The following BOLL variants were observed in gnomAD, a reference collection of about 807,000 sequenced individuals.
BOLL encodes protein boule-like.
In BOLL, 23 loss-of-function variants were observed where a neutral mutation model predicts 44.4. The observed-to-expected ratio is 0.52, with a 90% CI of 0.37 to 0.73. BOLL has a LOEUF of 0.73. BOLL is among the 30% of genes least tolerant of loss of function. The pLI is 0.00. For synonymous variants in BOLL, 97 were observed against 110.8 expected (o/e 0.88, Z 0.78); for missense variants, 287 against 338.3 (o/e 0.85, Z 1.19).
At chr2:197,762,554 A>G (rs1688808901) in intron 7 of BOLL, among the ~76,000 whole-genome samples, 1 of 152,222 alleles carries the variant, frequency 6.6e-6, no homozygotes. Context: ...TATATAAAGT[A>G]TCTTATCTGA....
At chr2:197,738,835 G>A (rs916857633) in intron 10 of BOLL, among the ~76,000 whole-genome samples, 1 of 152,084 alleles carries the variant, frequency 6.6e-6, no homozygotes, top group Non-Finnish European at 1.5e-5. Context: ...AAAGGCTAAT[G>A]TTTCAAATGT....
chr2:197,752,268 C>T (rs1042271998), intron 9 of BOLL, among the ~76,000 whole-genome samples: 2 of 152,156 alleles, frequency 1.3e-5, no homozygotes, highest in Admixed American at 1.3e-4. Flanking sequence ...CTCATCACTC[C>T]TATTCAACAC....
At chr2:197,741,047 ATTGAATCTATAAATTACC>A (rs1370143571) in intron 10 of BOLL, among the ~76,000 whole-genome samples, 1 of 152,124 alleles carries the variant, frequency 6.6e-6, no homozygotes, top group Non-Finnish European at 1.5e-5. Flanking sequence ...TGGGGATGGC[ATTGAATCTATAAATTACC>A]TTGGGCAGTA....
intron 9 of BOLL, among the ~76,000 whole-genome samples, chr2:197,743,933 C>T (rs1280319749): frequency 6.6e-6 from 1 of 151,944 alleles, no homozygotes; most frequent in Non-Finnish European, 1.5e-5. Flanking sequence ...GCCTCAGCCT[C>T]CCAAGTAGCT....
At chr2:197,762,056 A>C (rs912997084) in intron 7 of BOLL, among the ~76,000 whole-genome samples, 3 of 152,200 alleles carry the variant, frequency 2.0e-5, no homozygotes, top group Admixed American at 1.3e-4. Context: ...CTAGAAAGAA[A>C]ATAAACAGGC....
rs557732833 is a variant in BOLL at position 197,771,049 on chromosome 2, G to A, written c.480+806C>T. ...TGCTGCTATAAAGAAACATGTAAAC[G>A]TATGTTTACTGCGGCACTATTCACA... is the stretch of plus-strand genomic sequence containing the variant. On this transcript the variant is annotated intron_variant, in intron 6 of 10. Coordinates refer to ENST00000392296, the MANE Select transcript of BOLL (RefSeq NM_033030.6). Among the ~76,000 whole-genome samples the A allele has an allele frequency of 4.6e-5, 7 of 152,110 alleles. No individual in the cohort carries two copies. The South Asian group carries it at 1.0e-3, about 23-fold the overall frequency.
intron 6 of BOLL, among the ~76,000 whole-genome samples, chr2:197,770,824 C>T (rs1260589443): frequency 6.6e-6 from 1 of 151,936 alleles, no homozygotes; most frequent in Non-Finnish European, 1.5e-5. Context: ...GTTAGAATGG[C>T]GATCATTAAA....
chr2:197,774,381 T>C (rs2106381348), intron 5 of BOLL: 1 of 152,382 alleles, frequency 6.6e-6, no homozygotes, highest in East Asian at 1.9e-4. Flanking sequence ...TTAGGAGTAT[T>C]TCAGCAGAAA....
At chr2:197,745,209 T>C (rs1035042872) in intron 9 of BOLL, among the ~76,000 whole-genome samples, 1 of 151,996 alleles carries the variant, frequency 6.6e-6, no homozygotes, top group Non-Finnish European at 1.5e-5. Context: ...AAAATAATCA[T>C]TGAAATAAGT....
intron 10 of BOLL, among the ~76,000 whole-genome samples, chr2:197,733,634 A>T (rs1433562539): frequency 6.6e-6 from 1 of 152,220 alleles, no homozygotes; most frequent in Non-Finnish European, 1.5e-5. Flanking sequence ...ATGGAACAGA[A>T]CAGAGCCCTC....
At chr2:197,757,786 A>G (rs756243982) in intron 7 of BOLL, among the ~76,000 whole-genome samples, 2 of 152,202 alleles carry the variant, frequency 1.3e-5, no homozygotes, top group Non-Finnish European at 2.9e-5. Context: ...TCAAGAATGT[A>G]TAAAGAACTC....
intron 7 of BOLL, among the ~76,000 whole-genome samples, chr2:197,762,539 G>T (rs186834329): frequency 1.4e-3 from 213 of 151,978 alleles, no homozygotes; most frequent in African/African-American, 4.2e-3. Context: ...AAAAAAAACT[G>T]AAATTATATA....
At chr2:197,750,378 T>G (rs1029555126) in intron 9 of BOLL, among the ~76,000 whole-genome samples, 1 of 152,114 alleles carries the variant, frequency 6.6e-6, no homozygotes. Flanking sequence ...CAAGACCCAT[T>G]GGTGTGCTAT....
chr2:197,765,532 T>C (rs565178905), intron 7 of BOLL, among the ~76,000 whole-genome samples: 2 of 152,042 alleles, frequency 1.3e-5, no homozygotes, highest in East Asian at 3.9e-4. Context: ...ATATGCTAAT[T>C]ACTCTGATTT....
chr2:197,728,612 ACTG>A (rs1401121186), intron 10 of BOLL, 34 bp from the exon 11 acceptor site: 13 of 1,453,522 alleles, frequency 8.9e-6, no homozygotes, highest in Admixed American at 3.5e-5. Context: ...GATCAGGAAG[ACTG>A]AATGGAAAAA....
intron 4 of BOLL, among the ~76,000 whole-genome samples, chr2:197,776,281 T>C (rs541651218): frequency 1.3e-5 from 2 of 152,020 alleles, no homozygotes; most frequent in African/African-American, 4.8e-5. Context: ...AAGACTGTCA[T>C]AGGCATTATG....
intron 9 of BOLL, among the ~76,000 whole-genome samples, chr2:197,751,316 T>G (rs1013425217): frequency 5.3e-5 from 8 of 150,412 alleles, no homozygotes; most frequent in African/African-American, 2.4e-5. Flanking sequence ...CTGAGGGAGA[T>G]AGAGACACGA....
At chr2:197,752,837 T>C (rs1032972760) in intron 9 of BOLL, among the ~76,000 whole-genome samples, 1 of 152,014 alleles carries the variant, frequency 6.6e-6, no homozygotes, top group Admixed American at 6.6e-5. Context: ...AAAGAGGCCA[T>C]ATAACCAAGA....
At chr2:197,784,424 ATATATATATATATATATATATATATT>A (rs1689957292) in intron 1 of BOLL, among the ~76,000 whole-genome samples, 1 of 91,058 alleles carries the variant, frequency 1.1e-5, no homozygotes, top group Non-Finnish European at 2.3e-5. Context: ...ATATATATAT[ATATATATATATATATATATATATATT>A]TGAGACAGTC....
Sources: allele counts gnomAD v4.1 joint callset (sites outside exome capture counted in the v4.1 genomes callset), GRCh38; gene constraint gnomAD v4.1.1; transcripts MANE v1.5; gene names NCBI Gene and HGNC (gene_info 2026-07-23, HGNC 2026-07-21).